The following FBH1 variants were observed in gnomAD, a reference collection of about 807,000 sequenced individuals.
The protein encoded by FBH1 is F-box DNA helicase 1.
Under a neutral mutation model 115.5 loss-of-function variants are expected in FBH1, and 43 were observed. The ratio of observed to expected loss-of-function variants is 0.37; its 90% CI spans 0.29 to 0.48. FBH1 has a LOEUF of 0.48. Among genes scored for constraint, FBH1 ranks in the 20% least tolerant of loss-of-function variants. The pLI, the probability that FBH1 is intolerant of heterozygous loss-of-function variation, is 0.99. For synonymous variants in FBH1, 524 were observed against 507.8 expected, an observed-to-expected ratio of 1.03 and a Z score of -0.43; for missense variants, 1,001 against 1,337.3, an observed-to-expected ratio of 0.75 and a Z score of 3.92.
Position 5,903,166 on chromosome 10 carries a change from G to A in FBH1, c.148G>A (p.Gly50Arg), listed in dbSNP as rs140405526. ...GLYPKPRTKR[G>R]SRGQGSQRCI... ...CTATCCTAAACCGAGAACAAAAAGA[G>A]GGAGTAGGGGTATGTCTCCTCTAAA... is the stretch of plus-strand genomic sequence containing the variant. The change falls in exon 2 of 21, where the codon GGG becomes AGG. Residue 50 changes from glycine to arginine, a missense_variant. This residue lies in a region of FBH1 where 420 missense variants were observed against 430.4 expected (regional missense o/e 0.98). Transcript: ENST00000362091. The A allele has an allele frequency of 7.6e-4, 1,228 of 1,609,310 alleles. 2 individuals are homozygous for A. The highest frequency in any genetic ancestry group is 9.9e-4 in the Non-Finnish European group (1,162 of 1,177,762).
intron 19 of FBH1, among the ~76,000 whole-genome samples, chr10:5,930,128 A>G (rs777427380): frequency 2.0e-5 from 3 of 152,224 alleles, no homozygotes; most frequent in Non-Finnish European, 2.9e-5. Flanking sequence ...AATCATACCT[A>G]TATGTACACA....
chr10:5,897,119 C>A lies in FBH1; in HGVS notation c.2-5901C>A, dbSNP rs577093783. The stretch of plus-strand genomic sequence containing the variant: ...AGATTGGTGTGGTAGTCACATATTT[C>A]TTCTGACGTTTCTGTTGCTAGGTGT... On this transcript the variant is annotated intron_variant, in intron 1 of 20. Transcript: ENST00000362091. This position sits in a 1 kb window ranked among gnomAD's most constrained non-coding sequence, Gnocchi z 4.7. 6.6e-6 allele frequency among the ~76,000 whole-genome samples: 1 copy of A among 152,256 alleles called. No homozygotes were observed. Among genetic ancestry groups the A allele is most frequent in the South Asian group, 2.1e-4 (1 of 4,820 alleles).
chr10:5,891,881 G>C (rs958110609), intron 1 of FBH1, among the ~76,000 whole-genome samples: 1 of 152,178 alleles, frequency 6.6e-6, no homozygotes, highest in Non-Finnish European at 1.5e-5. Flanking sequence ...CCAAATGCTG[G>C]GATTACAGGC....
intron 19 of FBH1, chr10:5,929,852 C>T (rs189986103): frequency 3.3e-5 from 5 of 152,332 alleles, no homozygotes; most frequent in Admixed American, 1.3e-4. Flanking sequence ...TACAAATAGT[C>T]TCTACCTATA....
In FBH1 at chr10:5,910,150, C is replaced by T. The variant is rs1212035477; in HGVS notation, c.1021-788C>T. Among the ~76,000 whole-genome samples the T allele has an allele frequency of 6.6e-6, 1 of 152,004 alleles. No homozygotes were observed. The highest frequency in any genetic ancestry group is 1.5e-5 in the Non-Finnish European group (1 of 68,022). ...TACAAAAATTAGCCGAGCATGGTGG[C>T]ATGTGCCTGTAGTACTGGCTACTCT... On this transcript the variant is annotated intron_variant, in intron 5 of 20. Coordinates refer to ENST00000362091, the MANE Select transcript of FBH1 (RefSeq NM_178150.3). The surrounding 1 kb of genome is among the most constrained non-coding windows in gnomAD (Gnocchi z 4.8).
intron 15 of FBH1, among the ~76,000 whole-genome samples, chr10:5,922,182 A>C (rs758190407): frequency 9.9e-5 from 15 of 152,246 alleles, no homozygotes; most frequent in Non-Finnish European, 1.8e-4. Flanking sequence ...CAGTGAATAT[A>C]GTAGTGAATC....
intron 19 of FBH1, chr10:5,928,791 T>G (rs1832803909): frequency 6.6e-6 from 1 of 152,230 alleles, no homozygotes; most frequent in South Asian, 2.1e-4. Context: ...TAGTTACTAC[T>G]TAGTCCATCT....
chr10:5,911,040 G>A lies in FBH1; in HGVS notation c.1123G>A (p.Val375Met), dbSNP rs1052175453. The A allele has an allele frequency of 2.5e-6, 4 of 1,613,182 alleles. No individual in the cohort carries two copies. Among genetic ancestry groups the A allele is most frequent in the South Asian group, 2.2e-5 (2 of 91,078 alleles). The stretch of plus-strand genomic sequence containing the variant: ...CTGCCTCCGGAGACCCAGCTCCACG[G>A]TGACCATGCCAGATGTCACCGAGAC... ...LFCLRRPSST[V>M]TMPDVTETLY... is the part of the protein sequence containing the mutation. Residue 375 changes from valine to methionine, a missense_variant, in exon 6 of 21, where the codon GTG becomes ATG. Physicochemically the swap from Val to Met is conservative, Grantham distance 21. Coordinates refer to ENST00000362091, the MANE Select transcript of FBH1 (RefSeq NM_178150.3). This position sits in a 1 kb window ranked among gnomAD's most constrained non-coding sequence, Gnocchi z 5.4.
intron 6 of FBH1, among the ~76,000 whole-genome samples, chr10:5,912,125 C>T (rs1425856086): frequency 6.6e-6 from 1 of 151,904 alleles, no homozygotes; most frequent in East Asian, 1.9e-4. Context: ...CTTTGGGAGG[C>T]GAGGCGGGCA....
rs537364592 is a variant in FBH1 at position 5,932,217 on chromosome 10, G to C, written c.2830-4239G>C. Reference sequence around the variant, plus strand: ...CCCTGTTCACTTCAGACTGTTCTCTGCCTCCACCATTGGTAGTTATTTTAA... The same window carrying C: ...CCCTGTTCACTTCAGACTGTTCTCTCCCTCCACCATTGGTAGTTATTTTAA... On this transcript the variant is annotated intron_variant, in intron 19 of 20. Transcript: ENST00000362091. This position sits in a 1 kb window ranked among gnomAD's most constrained non-coding sequence, Gnocchi z 5.9. 6.6e-6 allele frequency among the ~76,000 whole-genome samples: 1 copy of C among 152,314 alleles called. No individual in the cohort carries two copies. The highest frequency in any genetic ancestry group is 6.5e-5 in the Admixed American group (1 of 15,300).
chr10:5,890,579 C>T (rs930179727), intron 1 of FBH1, among the ~76,000 whole-genome samples: 5 of 151,274 alleles, frequency 3.3e-5, no homozygotes, highest in African/African-American at 1.2e-4. Flanking sequence ...TCACTGAACT[C>T]GGTCGGGAGC....
At position 5,931,442 on chromosome 10, in the gene FBH1, T is replaced by G. The variant is rs1296852479; in HGVS notation, c.2829+3901T>G. Among the ~76,000 whole-genome samples, 2 of 152,262 alleles carry G rather than the reference T, an allele frequency of 1.3e-5. No homozygotes were observed. The highest frequency in any genetic ancestry group is 4.8e-5 in the African/African-American group (2 of 41,474). On this transcript the variant is annotated intron_variant, in intron 19 of 20. Transcript: ENST00000362091. The surrounding 1 kb of genome is among the most constrained non-coding windows in gnomAD (Gnocchi z 4.3). The stretch of plus-strand genomic sequence containing the variant: ...TCACACGTTCAGCCATCATAAATTG[T>G]GTTCCATAATCTAATTCACATTTAA...
Position 5,924,084 on chromosome 10 carries a change from A to T in FBH1, c.2399-227A>T, listed in dbSNP as rs1832477769. 2 of 590,936 alleles carry T rather than the reference A, an allele frequency of 3.4e-6. No individual in the cohort carries two copies. The highest frequency in any genetic ancestry group is 3.0e-6 in the Non-Finnish European group (1 of 333,090). The allele number at this position is 590,936 out of a possible 1,614,324, so 36.6% of individuals were successfully genotyped here. ...TCAAATCCCTGTGAAGTAGGTGAGG[A>T]TCTTGAGCCGAGGGCTTTGCTCCTC... On this transcript the variant is annotated intron_variant, in intron 16 of 20. Coordinates refer to ENST00000362091, the MANE Select transcript of FBH1 (RefSeq NM_178150.3). The surrounding 1 kb of genome is among the most constrained non-coding windows in gnomAD (Gnocchi z 6.2).
chr10:5,921,759 G>A lies in FBH1; in HGVS notation c.2322+190G>A, dbSNP rs1832330763. On this transcript the variant is annotated intron_variant, in intron 15 of 20. Coordinates refer to ENST00000362091, the MANE Select transcript of FBH1 (RefSeq NM_178150.3). The surrounding 1 kb of genome is among the most constrained non-coding windows in gnomAD (Gnocchi z 6.4). ...TGATTATGCCAGCGAAACATTCCTG[G>A]AAAGGCAGACACAAGAAGGGCTGGG... Among the ~76,000 whole-genome samples the A allele has an allele frequency of 1.3e-5, 2 of 152,218 alleles. No homozygotes were observed. The highest frequency in any genetic ancestry group is 1.3e-4 in the Admixed American group (2 of 15,286).
In FBH1 at chr10:5,933,214, C is replaced by G. The variant is rs1052180184; in HGVS notation, c.2830-3242C>G. Among the ~76,000 whole-genome samples the G allele has an allele frequency of 9.2e-5, 14 of 152,196 alleles. No individual in the cohort carries two copies. Among genetic ancestry groups the G allele is most frequent in the Admixed American group, 5.2e-4 (8 of 15,302 alleles). The stretch of plus-strand genomic sequence containing the variant: ...ACCAGCCTGGCTAACATGGTGAAAC[C>G]CTGTCTCTACTAAAAATACAAAAAT... On this transcript the variant is annotated intron_variant, in intron 19 of 20. Transcript: ENST00000362091. This position sits in a 1 kb window ranked among gnomAD's most constrained non-coding sequence, Gnocchi z 4.9.
chr10:5,930,323 T>G (rs1832895766), intron 19 of FBH1, among the ~76,000 whole-genome samples: 1 of 152,234 alleles, frequency 6.6e-6, no homozygotes, highest in Admixed American at 6.5e-5. Flanking sequence ...GCTTGTCTCT[T>G]AAGTTAAATA....
rs1368059079 is a variant in FBH1 at position 5,913,058 on chromosome 10, C to T, written c.1212-689C>T. ...GGGGGAGCGAGTCCAAGCTCACCCC[C>T]GGTCTCCCCCACAGTCCAGGGGAGA... is the stretch of plus-strand genomic sequence containing the variant. On this transcript the variant is annotated intron_variant, in intron 6 of 20. Transcript: ENST00000362091. This position sits in a 1 kb window ranked among gnomAD's most constrained non-coding sequence, Gnocchi z 4.4. 2.0e-5 allele frequency among the ~76,000 whole-genome samples: 3 copies of T among 152,118 alleles called. No homozygotes were observed. The highest frequency in any genetic ancestry group is 2.9e-5 in the Non-Finnish European group (2 of 68,010).
rs1832511826 is a variant in FBH1, at chr10:5,924,450, G to A, written c.2538G>A (p.Arg846=). The change falls in exon 17 of 21, where the codon AGG becomes AGA. Residue 846 remains arginine, a synonymous_variant. Transcript: ENST00000362091. This position sits in a 1 kb window ranked among gnomAD's most constrained non-coding sequence, Gnocchi z 6.2. The part of the protein sequence containing the change: ...KIAVVEKYNI[R]IPELVQRIEK... ...CAGTTGTTGAAAAGTATAACATCAGGATTCCAGAGCTGGTGCAAAGGATAG... is the reference window on the plus strand; with the variant it reads ...CAGTTGTTGAAAAGTATAACATCAGAATTCCAGAGCTGGTGCAAAGGATAG... 6.2e-7 allele frequency: 1 copy of A among 1,614,040 alleles called. No homozygotes were observed. The highest frequency in any genetic ancestry group is 1.1e-5 in the South Asian group (1 of 91,090).
chr10:5,901,111 G>GAA (rs201504125), intron 1 of FBH1, among the ~76,000 whole-genome samples: 1 of 150,956 alleles, frequency 6.6e-6, no homozygotes, highest in Non-Finnish European at 1.5e-5. Context: ...AAAGAAAAAA[G>GAA]AAAAAAAAAG....
Sources: allele counts gnomAD v4.1 joint callset (sites outside exome capture counted in the v4.1 genomes callset), GRCh38; gene constraint gnomAD v4.1.1; regional missense constraint gnomAD v4.1.1; non-coding constraint Gnocchi (gnomAD v3.1); transcripts MANE v1.5; gene names NCBI Gene and HGNC (gene_info 2026-07-23, HGNC 2026-07-21).